The following ATXN2 variants were observed in gnomAD, a reference collection of about 807,000 sequenced individuals.
The protein encoded by ATXN2 is ataxin 2.
ATXN2 carries 37 observed loss-of-function variants against 138.6 expected under a neutral mutation model. The ratio of observed to expected loss-of-function variants is 0.27; its 90% confidence interval spans 0.21 to 0.35. The LOEUF is 0.35. Ranked by LOEUF, ATXN2 falls within the 10% of genes least tolerant of loss-of-function variation. The pLI, the probability that ATXN2 is intolerant of heterozygous loss-of-function variation, is 1.00. For missense variants in ATXN2, 1,216 were observed against 1,480.3 expected (o/e 0.82, Z 2.93); for synonymous variants, 549 against 543.7 (o/e 1.01, Z -0.13).
chr12:111,581,129 C>T (rs112010089), intron 1 of ATXN2, among the ~76,000 whole-genome samples: 10 of 138,136 alleles, frequency 7.2e-5, no homozygotes, highest in African/African-American at 3.0e-4. Context: ...GAGCGAGACT[C>T]CATCTCAAAA....
In ATXN2 at chr12:111,513,504, G is replaced by A. The variant is rs1162289308; in HGVS notation, c.1411C>T (p.Pro471Ser). 3 of 1,613,786 alleles carry A rather than the reference G, an allele frequency of 1.9e-6. No individual in the cohort carries two copies. Among genetic ancestry groups the A allele is most frequent in the African/African-American group, 1.3e-5 (1 of 74,896 alleles). The change falls in exon 11 of 25, where the codon CCT becomes TCT. Residue 471 changes from proline to serine, a missense_variant. Around this residue, in one of 4 missense-constraint regions of ATXN2, gnomAD observed 401 missense variants for 528.1 expected, o/e 0.76. Coordinates refer to ENST00000673436, the MANE Select transcript of ATXN2 (RefSeq NM_001372574.1). ...PRMSPKAQRH[P>S]RNHRVSAGRG... Reference sequence around the variant, plus strand: ...CCAGCAGAAACTCTGTGATTTCGAGGATGTCGCTGGGCCTTTGGGGACATC... The same window carrying A: ...CCAGCAGAAACTCTGTGATTTCGAGAATGTCGCTGGGCCTTTGGGGACATC...
intron 20 of ATXN2, among the ~76,000 whole-genome samples, chr12:111,467,460 T>A (rs1347983766): frequency 6.6e-6 from 1 of 151,920 alleles, no homozygotes; most frequent in Non-Finnish European, 1.5e-5. Flanking sequence ...CAGCTCCTAG[T>A]GTCCTTTTTA....
At chr12:111,555,030 C>T (rs886578662) in intron 2 of ATXN2, among the ~76,000 whole-genome samples, 1 of 152,162 alleles carries the variant, frequency 6.6e-6, no homozygotes. Context: ...TTTGTGATAG[C>T]TTCTCATTTA....
intron 20 of ATXN2, among the ~76,000 whole-genome samples, chr12:111,465,955 C>G (rs1378211789): frequency 6.8e-6 from 1 of 147,034 alleles, no homozygotes; most frequent in Non-Finnish European, 1.5e-5. Context: ...CACCTGAGGT[C>G]GGGAATTCAA....
At chr12:111,599,565 G>A (rs1264854210), upstream of ATXN2, 1 of 1,158,082 alleles carries the variant, frequency 8.6e-7, no homozygotes, top group Non-Finnish European at 1.1e-6. Context: ...TGCGGATAGG[G>A]ACTCTTTACC....
At chr12:111,465,713 T>C (rs546943754) in intron 20 of ATXN2, among the ~76,000 whole-genome samples, 3 of 126,032 alleles carry the variant, frequency 2.4e-5, no homozygotes, top group East Asian at 2.3e-4. Flanking sequence ...GATGTTGCAG[T>C]GAGCTGAGAT....
chr12:111,474,452 A>C (rs997707951), intron 18 of ATXN2, among the ~76,000 whole-genome samples: 3 of 152,124 alleles, frequency 2.0e-5, no homozygotes, highest in Non-Finnish European at 2.9e-5. Flanking sequence ...CAAGACAAGA[A>C]AAGAAAAGCT....
chr12:111,485,302 C>T lies in ATXN2; in HGVS notation c.2487G>A (p.Met829Ile). The part of the protein sequence containing the change: ...QPLYPIPMTP[M>I]PVNQAKTYRA... ...TATATGTCTTGGCTTGATTCACTGG[C>T]ATGGGCGTCATAGGTATTGGGTATA... The change falls in exon 18 of 25, where the codon ATG (methionine) becomes ATA (isoleucine). Residue 829 changes from methionine to isoleucine, a missense_variant. By Grantham distance (10) the Met-to-Ile change is conservative. Transcript: ENST00000673436. 1 of 1,612,600 alleles carries T rather than the reference C, an allele frequency of 6.2e-7. No individual in the cohort carries two copies. Among genetic ancestry groups the T allele is most frequent in the Non-Finnish European group, 8.5e-7 (1 of 1,179,130 alleles).
intron 5 of ATXN2, among the ~76,000 whole-genome samples, chr12:111,550,008 G>A (rs1223539910): frequency 6.7e-6 from 1 of 148,956 alleles, no homozygotes; most frequent in East Asian, 2.0e-4. Flanking sequence ...GTTGCGGTGA[G>A]CCGAGATCAG....
At chr12:111,578,841 C>T (rs752091020) in intron 1 of ATXN2, among the ~76,000 whole-genome samples, 19 of 152,040 alleles carry the variant, frequency 1.2e-4, no homozygotes, top group Non-Finnish European at 1.9e-4. Flanking sequence ...AGGAGTTCAA[C>T]ACCACCCAGG....
chr12:111,510,317 A>G, intron 12 of ATXN2, 68 bp downstream of exon 12: 2 of 1,488,216 alleles, frequency 1.3e-6, no homozygotes, highest in Middle Eastern at 1.9e-4. Flanking sequence ...ATTTTTTCAT[A>G]TAATATCACC....
rs749703424 is a variant in ATXN2, at chr12:111,598,942, G to GGGCGGC, written c.87_92dup (p.Pro30_Pro31dup). ...CGGGCTTGCGGACATTGGCAGCCGCGGGCGGCGGCTGCTGCTGCTGCTGCT... is the reference window on the plus strand; with the variant it reads ...CGGGCTTGCGGACATTGGCAGCCGCGGGCGGCGGCGGCGGCTGCTGCTGCTGCTGCT... On this transcript the variant is annotated inframe_insertion, in exon 1 of 25. Transcript: ENST00000673436. The surrounding 1 kb of genome is among the most constrained non-coding windows in gnomAD (Gnocchi z 4.5). 3 of 1,461,984 alleles carry GGGCGGC rather than the reference G, an allele frequency of 2.1e-6. No individual in the cohort carries two copies. The highest frequency in any genetic ancestry group is 2.3e-4 in the Middle Eastern group (1 of 4,268). 90.6% of individuals were successfully genotyped at this position (1,461,984 alleles called of 1,614,324 possible). A position where few individuals can be genotyped will look rare whatever the true frequency, so the allele number is the denominator to read the frequency against.
intron 1 of ATXN2, among the ~76,000 whole-genome samples, chr12:111,574,177 G>A (rs1158174484): frequency 2.6e-5 from 4 of 151,178 alleles, no homozygotes; most frequent in South Asian, 2.1e-4. Flanking sequence ...GCGTGGTGGC[G>A]GGCACCTGTA....
chr12:111,488,205 T>C (rs1207060933), intron 15 of ATXN2, among the ~76,000 whole-genome samples: 2 of 152,142 alleles, frequency 1.3e-5, no homozygotes, highest in African/African-American at 4.8e-5. Flanking sequence ...TCAACTCCTG[T>C]TCATTTACAG....
At chr12:111,573,271 C>A (rs1191995740) in intron 1 of ATXN2, among the ~76,000 whole-genome samples, 1 of 152,120 alleles carries the variant, frequency 6.6e-6, no homozygotes, top group Admixed American at 6.6e-5. Context: ...CAGCTCACTG[C>A]AACCTCCACC....
rs202116535 is a variant in ATXN2, at chr12:111,485,866, C to T, written c.2305-1G>A. 151 of 1,613,142 alleles carry T rather than the reference C, an allele frequency of 9.4e-5. No individual in the cohort carries two copies. The highest frequency in any genetic ancestry group is 3.5e-4 in the Admixed American group (21 of 59,828). ...AAGTTGGGGTAGTAGAAGGCTTTGG[C>T]TACAAAAACAACAATAAATTCAATT... On this transcript the variant is annotated splice_acceptor_variant, in intron 16 of 24. Transcript: ENST00000673436. LOFTEE classifies it high-confidence loss of function.
intron 5 of ATXN2, among the ~76,000 whole-genome samples, chr12:111,529,698 CAG>C (rs1427769270): frequency 2.0e-5 from 3 of 152,282 alleles, no homozygotes; most frequent in African/African-American, 4.8e-5. Context: ...ACCCAGGAAA[CAG>C]AGTACATATT....
chr12:111,516,736 A>T lies in ATXN2; in HGVS notation c.1166-373T>A, dbSNP rs1040761061. ...AGATAATTTCACATAATAAATCACA[A>T]TAATTCCTACTCAGGAGTAAGATTA... On this transcript the variant is annotated intron_variant, in intron 9 of 24. Transcript: ENST00000673436. The surrounding 1 kb of genome is among the most constrained non-coding windows in gnomAD (Gnocchi z 5.0). 1.3e-5 allele frequency among the ~76,000 whole-genome samples: 2 copies of T among 152,208 alleles called. No individual in the cohort carries two copies. The highest frequency in any genetic ancestry group is 1.3e-4 in the Admixed American group (2 of 15,282).
At chr12:111,460,318 C>T (rs1875475989) in intron 21 of ATXN2, among the ~76,000 whole-genome samples, 1 of 151,994 alleles carries the variant, frequency 6.6e-6, no homozygotes, top group South Asian at 2.1e-4. Flanking sequence ...AGGTGATCCA[C>T]TTGTCTTGGC....
Sources: gnomAD v4.1 joint callset for allele counts (sites outside exome capture counted in the v4.1 genomes callset) on GRCh38, gnomAD v4.1.1 for gene constraint, gnomAD v4.1.1 regional missense constraint, Gnocchi (gnomAD v3.1) non-coding constraint, MANE v1.5 for transcripts, NCBI Gene and HGNC (gene_info 2026-07-23, HGNC 2026-07-21) for gene names.